The following RNASE10 variants were observed in gnomAD, a reference collection of about 807,000 sequenced individuals.
The protein encoded by RNASE10 is inactive ribonuclease-like protein 10.
A neutral mutation model predicts 1.1 loss-of-function variants in RNASE10; 2 were observed. The observed-to-expected ratio is 1.82, with a 90% confidence interval of 0.74 to 5.73. The LOEUF is 5.73. Among genes scored for constraint, RNASE10 ranks in the 30% most tolerant of loss-of-function variants. The pLI is 0.05. For missense variants in RNASE10, 276 were observed against 263.4 expected (o/e 1.05, Z -0.33); for synonymous variants, 97 against 96.2 (o/e 1.01, Z -0.05).
chr14:20,506,777 C>A (rs113213958), intron 1 of RNASE10, among the ~76,000 whole-genome samples: 1 of 135,434 alleles, frequency 7.4e-6, no homozygotes, highest in East Asian at 2.3e-4. Flanking sequence ...GGGGTCAGCC[C>A]CCCGCCCGGC....
intron 1 of RNASE10, among the ~76,000 whole-genome samples, chr14:20,506,330 G>A (rs1418325431): frequency 1.2e-4 from 15 of 121,952 alleles, no homozygotes; most frequent in African/African-American, 2.0e-4. Context: ...TCAGCCCCCC[G>A]CCCGGCCAGC....
chr14:20,508,152 T>C (rs978811121), intron 1 of RNASE10, among the ~76,000 whole-genome samples: 4 of 152,200 alleles, frequency 2.6e-5, no homozygotes, highest in African/African-American at 9.7e-5. Context: ...ATATTGCATA[T>C]GTTGTGCTCT....
chr14:20,511,908 C>T (rs868479851), downstream of RNASE10, among the ~76,000 whole-genome samples: 191 of 151,874 alleles, frequency 1.3e-3, no homozygotes, highest in Middle Eastern at 3.4e-3. Context: ...TATCTGGATC[C>T]TTTTAGAGAT....
intron 1 of RNASE10, among the ~76,000 whole-genome samples, chr14:20,506,726 C>T (rs1882737003): frequency 7.5e-6 from 1 of 132,838 alleles, no homozygotes; most frequent in Admixed American, 7.2e-5. Context: ...GGGGGTCAGC[C>T]CCCCGCCCGG....
At chr14:20,505,171 AC>A (rs1342758933), upstream of RNASE10, among the ~76,000 whole-genome samples, 2 of 150,042 alleles carry the variant, frequency 1.3e-5, no homozygotes, top group East Asian at 3.9e-4. Flanking sequence ...AAAAAGTAAA[AC>A]TCTGATTGAT....
chr14:20,513,235 T>C (rs1882940301), downstream of RNASE10, among the ~76,000 whole-genome samples: 2 of 152,140 alleles, frequency 1.3e-5, no homozygotes, highest in Admixed American at 1.3e-4. Flanking sequence ...TTTTGTTTTT[T>C]TTGTTTAATC....
chr14:20,512,414 T>C (rs565496317), downstream of RNASE10, among the ~76,000 whole-genome samples: 193 of 152,336 alleles, frequency 1.3e-3, no homozygotes, highest in African/African-American at 4.6e-3. Context: ...GGATTCACCG[T>C]GTGACTGAAT....
At chr14:20,505,260 T>TTCTCCCTCTCCCTCTCCC (rs1882662600), upstream of RNASE10, among the ~76,000 whole-genome samples, 2 of 75,582 alleles carry the variant, frequency 2.6e-5, no homozygotes, top group Non-Finnish European at 5.0e-5. Flanking sequence ...AAAGTGAGTT[T>TTCTCCCTCTCCCTCTCCC]GCTCCCTCTC....
upstream of RNASE10, among the ~76,000 whole-genome samples, chr14:20,505,121 T>C (rs537115217): frequency 6.6e-6 from 1 of 151,896 alleles, no homozygotes; most frequent in African/African-American, 2.4e-5. Flanking sequence ...CAGCCAATGC[T>C]GTAGGGTAGG....
At chr14:20,507,222 T>C (rs1217384007) in intron 1 of RNASE10, among the ~76,000 whole-genome samples, 1 of 142,384 alleles carries the variant, frequency 7.0e-6, no homozygotes, top group Non-Finnish European at 1.5e-5. Context: ...GCCGGGTCTG[T>C]GTGGATAGAA....
At position 20,510,875 on chromosome 14, in the gene RNASE10, T is replaced by G. The variant is rs776005577; in HGVS notation, c.488T>G (p.Ile163Arg). Residue 163 changes from isoleucine to arginine, a missense_variant, in exon 2 of 2, where the codon ATA (isoleucine) becomes AGA (arginine). Transcript: ENST00000430083. Reference sequence around the variant, plus strand: ...ATGAAGGAGCCCAGTCAGAGTTGCATAGCCCAGTATGCATTCATCCATGAG... The same window carrying G: ...ATGAAGGAGCCCAGTCAGAGTTGCAGAGCCCAGTATGCATTCATCCATGAG... 5 of 1,614,178 alleles carry G rather than the reference T, an allele frequency of 3.1e-6. No homozygotes were observed. The East Asian group carries it at 1.1e-4, about 36-fold the overall frequency.
At chr14:20,510,683 G>A (rs1189732845) in exon 2 of RNASE10, 1 of 1,614,110 alleles carries the variant, frequency 6.2e-7, no homozygotes. Flanking sequence ...CTGGTGCTTA[G>A]CAACAAAGAA....
At chr14:20,513,481 G>C (rs997791363), downstream of RNASE10, among the ~76,000 whole-genome samples, 2 of 152,116 alleles carry the variant, frequency 1.3e-5, no homozygotes, top group South Asian at 2.1e-4. Flanking sequence ...TCCAGGATCT[G>C]TGTTGAGCCC....
rs554595423 is a variant in RNASE10, at chr14:20,507,652, C to A, written c.79+1633C>A. On this transcript the variant is annotated intron_variant, in intron 1 of 1. Transcript: ENST00000430083. The stretch of plus-strand genomic sequence containing the variant: ...TAAATAAATAAAATTTTCAACTTTA[C>A]AAACAAATGTGATAATAATTCATGG... 6.1e-3 allele frequency among the ~76,000 whole-genome samples: 915 copies of A among 148,816 alleles called. 3 individuals are homozygous for A. Among genetic ancestry groups the A allele is most frequent in the Non-Finnish European group, 0.01 (673 of 66,796 alleles).
upstream of RNASE10, among the ~76,000 whole-genome samples, chr14:20,505,265 C>T (rs554491409): frequency 5.5e-4 from 5 of 9,116 alleles, no homozygotes; most frequent in African/African-American, 9.4e-4. Flanking sequence ...GAGTTTGCTC[C>T]CTCTCCCTCT....
chr14:20,506,516 G>A (rs1170312577), intron 1 of RNASE10, among the ~76,000 whole-genome samples: 1 of 126,612 alleles, frequency 7.9e-6, no homozygotes. Flanking sequence ...CGCCCGGCCA[G>A]CCGCCCTATC....
exon 2 of RNASE10, chr14:20,510,741 G>C: frequency 6.2e-7 from 1 of 1,614,230 alleles, no homozygotes. Context: ...GTGAAGATGA[G>C]GTTGGGGGTA....
chr14:20,511,890 C>A (rs1882908213), downstream of RNASE10, among the ~76,000 whole-genome samples: 1 of 152,016 alleles, frequency 6.6e-6, no homozygotes, highest in Non-Finnish European at 1.5e-5. Flanking sequence ...TGGGCCCGCT[C>A]TTCTCTTTAT....
downstream of RNASE10, among the ~76,000 whole-genome samples, chr14:20,512,180 T>G (rs746861639): frequency 1.3e-5 from 2 of 152,188 alleles, no homozygotes. Flanking sequence ...CTTTTTCTCA[T>G]TTAGCATCGT....
Sources: gnomAD v4.1 joint callset for allele counts (sites outside exome capture counted in the v4.1 genomes callset) on GRCh38, gnomAD v4.1.1 for gene constraint, MANE v1.5 for transcripts, NCBI Gene and HGNC (gene_info 2026-07-23, HGNC 2026-07-21) for gene names.